The following TRPM3 variants were observed in gnomAD, a reference collection of about 807,000 sequenced individuals.
TRPM3 encodes the protein long transient receptor potential channel 3.
Under a neutral mutation model 181.2 loss-of-function variants are expected in TRPM3, and 77 were observed. The ratio of observed to expected loss-of-function variants is 0.42; its 90% CI spans 0.35 to 0.51. The LOEUF is 0.51. Among genes scored for constraint, TRPM3 ranks in the 20% least tolerant of loss-of-function variants. The pLI is 0.01. For synonymous variants in TRPM3, 745 were observed against 796.4 expected, an observed-to-expected ratio of 0.94 and a Z score of 1.09; for missense variants, 1,759 against 2,196.7, an observed-to-expected ratio of 0.80 and a Z score of 3.98.
At chr9:70,558,482 G>T (rs1026079451) in intron 22 of TRPM3, among the ~76,000 whole-genome samples, 1 of 152,152 alleles carries the variant, frequency 6.6e-6, no homozygotes, top group Non-Finnish European at 1.5e-5. Flanking sequence ...TGTAAAACCT[G>T]ATCTGATACC....
intron 6 of TRPM3, chr9:70,810,092 C>A (rs765120325): frequency 1.9e-6 from 1 of 534,398 alleles, no homozygotes. Context: ...GCCATGGGTA[C>A]GCGATCAGGA....
At chr9:70,686,347 C>G (rs185144382) in intron 8 of TRPM3, among the ~76,000 whole-genome samples, 1 of 152,158 alleles carries the variant, frequency 6.6e-6, no homozygotes, top group Non-Finnish European at 1.5e-5. Context: ...ATTACAAACG[C>G]CATTGCAGTG....
intron 6 of TRPM3, chr9:70,811,310 G>A: frequency 7.5e-7 from 1 of 1,342,062 alleles, no homozygotes; most frequent in East Asian, 2.5e-5. Context: ...TATTAAAGCA[G>A]ATGGATTACC....
intron 1 of TRPM3, among the ~76,000 whole-genome samples, chr9:71,357,979 T>C (rs983011240): frequency 1.3e-5 from 2 of 152,170 alleles, no homozygotes. Flanking sequence ...CAGGTCTTAA[T>C]GCAACAAGGG....
intron 8 of TRPM3, among the ~76,000 whole-genome samples, chr9:70,700,742 A>G (rs747464811): frequency 6.6e-6 from 1 of 152,250 alleles, no homozygotes; most frequent in Non-Finnish European, 1.5e-5. Context: ...GAAACTGGAG[A>G]GAAGTTTTAT....
At chr9:71,002,371 T>C (rs77606109) in intron 1 of TRPM3, among the ~76,000 whole-genome samples, 1 of 152,192 alleles carries the variant, frequency 6.6e-6, no homozygotes, top group Non-Finnish European at 1.5e-5. Flanking sequence ...AGCTTTTGAA[T>C]CTTGAAAATA....
chr9:71,174,210 G>A lies in TRPM3; in HGVS notation c.183+272443C>T, dbSNP rs149666618. Among the ~76,000 whole-genome samples the A allele has an allele frequency of 4.5e-4, 69 of 152,248 alleles. No individual in the cohort carries two copies. In the East Asian group the frequency reaches 7.1e-3, roughly 16 times the overall value. On this transcript the variant is annotated intron_variant, in intron 1 of 24. Transcript: ENST00000357533. ...TAGATGAGCTAAAATGGAAGACATC[G>A]CAGGAAAATTAAGTTGAAATGCCCA... is the stretch of plus-strand genomic sequence containing the variant.
At chr9:70,923,803 ACT>A (rs769200720) in intron 1 of TRPM3, among the ~76,000 whole-genome samples, 8,477 of 143,050 alleles carry the variant, frequency 0.059, 333 homozygotes, top group Non-Finnish European at 0.085. Context: ...ACACACACAC[ACT>A]CTCTCTCTCT....
intron 1 of TRPM3, among the ~76,000 whole-genome samples, chr9:71,165,106 C>T (rs1466878555): frequency 6.6e-6 from 1 of 152,154 alleles, no homozygotes; most frequent in Admixed American, 6.6e-5. Flanking sequence ...TATAGACCAG[C>T]CCCGGAGCCA....
intron 1 of TRPM3, among the ~76,000 whole-genome samples, chr9:71,148,650 A>G (rs750104524): frequency 2.6e-5 from 4 of 152,178 alleles, no homozygotes; most frequent in Non-Finnish European, 4.4e-5. Context: ...AGTGATCACT[A>G]AAGTATAAAG....
chr9:70,901,743 C>T (rs945671914), intron 1 of TRPM3, among the ~76,000 whole-genome samples: 3 of 152,142 alleles, frequency 2.0e-5, no homozygotes, highest in Non-Finnish European at 2.9e-5. Flanking sequence ...AGTTTTGATG[C>T]TACTCAATGG....
rs550386117 is a variant in TRPM3 at position 71,188,868 on chromosome 9, T to C, written c.183+257785A>G. Reference sequence around the variant, plus strand: ...TTGAAACAAGGATTAAATAAGAGGATGTATATAAAGTAATAAGCACAGTGG... The same window carrying C: ...TTGAAACAAGGATTAAATAAGAGGACGTATATAAAGTAATAAGCACAGTGG... On this transcript the variant is annotated intron_variant, in intron 1 of 24. Coordinates refer to the TRPM3 transcript ENST00000357533. Among the ~76,000 whole-genome samples the C allele has an allele frequency of 1.4e-4, 22 of 152,018 alleles. No homozygotes were observed. The South Asian group carries it at 4.4e-3, about 30-fold the overall frequency.
intron 3 of TRPM3, among the ~76,000 whole-genome samples, chr9:70,849,468 T>C (rs1003079326): frequency 1.3e-5 from 2 of 152,122 alleles, no homozygotes; most frequent in Non-Finnish European, 1.5e-5. Flanking sequence ...AAAATATATA[T>C]AGGAAGCAGG....
intron 6 of TRPM3, among the ~76,000 whole-genome samples, chr9:70,815,194 C>T (rs920712467): frequency 6.6e-6 from 1 of 151,926 alleles, no homozygotes; most frequent in Non-Finnish European, 1.5e-5. Flanking sequence ...AACAAACATA[C>T]CCTTGAATAT....
chr9:71,282,996 C>T (rs555521102), intron 1 of TRPM3, among the ~76,000 whole-genome samples: 64 of 152,256 alleles, frequency 4.2e-4, no homozygotes, highest in Non-Finnish European at 7.6e-4. Flanking sequence ...ATATCGTGAT[C>T]CTTCACTCTT....
At chr9:71,166,210 G>A (rs574940100) in intron 1 of TRPM3, among the ~76,000 whole-genome samples, 1 of 152,248 alleles carries the variant, frequency 6.6e-6, no homozygotes, top group African/African-American at 2.4e-5. Context: ...CTCTGCAGGA[G>A]TCGGCAGCCA....
intron 1 of TRPM3, among the ~76,000 whole-genome samples, chr9:70,971,087 T>C (rs2097239572): frequency 6.6e-6 from 1 of 152,200 alleles, no homozygotes; most frequent in South Asian, 2.1e-4. Context: ...TAGACTCTAC[T>C]AGGGTGCTAT....
At chr9:70,675,354 C>T (rs1186354438) in intron 9 of TRPM3, among the ~76,000 whole-genome samples, 1 of 151,982 alleles carries the variant, frequency 6.6e-6, no homozygotes, top group Admixed American at 6.6e-5. Context: ...ACTCGGCCTC[C>T]CAAAGTGCTG....
At chr9:70,694,395 T>C (rs924741644) in intron 8 of TRPM3, among the ~76,000 whole-genome samples, 13 of 152,182 alleles carry the variant, frequency 8.5e-5, no homozygotes, top group African/African-American at 2.7e-4. Flanking sequence ...CATTAGGGCA[T>C]CTAATAGGCC....
Sources: gnomAD v4.1 joint callset for allele counts (sites outside exome capture counted in the v4.1 genomes callset) on GRCh38, gnomAD v4.1.1 for gene constraint, MANE v1.5 for transcripts, NCBI Gene and HGNC (gene_info 2026-07-23, HGNC 2026-07-21) for gene names.